ASTN2: variants seen among roughly 807,000 people sequenced by gnomAD.
The protein encoded by ASTN2 is astrotactin-2.
ASTN2 carries 54 observed loss-of-function variants against 139.8 expected under a neutral mutation model. That is an observed-to-expected ratio of 0.39 (90% CI 0.31 to 0.48). The LOEUF (loss-of-function observed/expected upper bound fraction) is 0.48, where lower values mean the gene tolerates loss of function less well. ASTN2 is among the 20% of genes least tolerant of loss of function. The pLI, the probability that ASTN2 is intolerant of heterozygous loss-of-function variation, is 0.95. For synonymous variants in ASTN2, 756 were observed against 719.5 expected, an observed-to-expected ratio of 1.05 and a Z score of -0.81; for missense variants, 1,565 against 1,725.1, an observed-to-expected ratio of 0.91 and a Z score of 1.64.
chr9:117,121,339 G>C (rs1315812656), intron 4 of ASTN2, among the ~76,000 whole-genome samples: 1 of 152,194 alleles, frequency 6.6e-6, no homozygotes, highest in African/African-American at 2.4e-5. Context: ...AAGAATCGGG[G>C]GTTCACTACA....
intron 6 of ASTN2, among the ~76,000 whole-genome samples, chr9:117,033,718 G>C (rs1002424103): frequency 6.6e-6 from 1 of 152,042 alleles, no homozygotes; most frequent in Non-Finnish European, 1.5e-5. Context: ...AAGAACCTTA[G>C]ACTGGGGGCT....
intron 5 of ASTN2, among the ~76,000 whole-genome samples, chr9:117,095,567 C>T (rs946054576): frequency 6.6e-6 from 1 of 152,282 alleles, no homozygotes; most frequent in Non-Finnish European, 1.5e-5. Context: ...ATGCTTGATT[C>T]TTTCCCATTA....
intron 6 of ASTN2, among the ~76,000 whole-genome samples, chr9:117,022,442 C>CAA (rs143095854): frequency 8.0e-5 from 6 of 75,422 alleles, no homozygotes; most frequent in African/African-American, 2.3e-4. Context: ...TATCCCAGGG[C>CAA]AAAAAAAAAA....
intron 2 of ASTN2, among the ~76,000 whole-genome samples, chr9:117,259,162 C>T (rs562445608): frequency 2.0e-5 from 3 of 152,160 alleles, no homozygotes; most frequent in Non-Finnish European, 4.4e-5. Context: ...AAATGCTCCC[C>T]TTAGCTCCTG....
At chr9:116,782,857 C>T (rs1564264641) in intron 13 of ASTN2, among the ~76,000 whole-genome samples, 1 of 152,126 alleles carries the variant, frequency 6.6e-6, no homozygotes, top group South Asian at 2.1e-4. Flanking sequence ...AGTCCTACAC[C>T]CCATGTGGGC....
chr9:116,946,648 G>A (rs1835402118), intron 10 of ASTN2, among the ~76,000 whole-genome samples: 1 of 152,080 alleles, frequency 6.6e-6, no homozygotes, highest in Admixed American at 6.5e-5. Flanking sequence ...GGTTGAAGGG[G>A]TATCAAGCCT....
intron 20 of ASTN2, among the ~76,000 whole-genome samples, chr9:116,448,073 G>T (rs1848057247): frequency 6.6e-6 from 1 of 152,202 alleles, no homozygotes; most frequent in South Asian, 2.1e-4. Context: ...GAGAGTATAG[G>T]AGAATGCGTT....
intron 13 of ASTN2, among the ~76,000 whole-genome samples, chr9:116,786,421 T>A (rs912389209): frequency 6.6e-6 from 1 of 151,262 alleles, no homozygotes; most frequent in Non-Finnish European, 1.5e-5. Context: ...CCTAGAACAG[T>A]CAGTGTCATA....
At chr9:116,856,551 G>A (rs1359702) in intron 11 of ASTN2, among the ~76,000 whole-genome samples, 45,142 of 151,998 alleles carry the variant, frequency 0.3, 6,864 homozygotes, top group South Asian at 0.39. Context: ...GAGAAAAGCC[G>A]GTCTCTCTCC....
intron 1 of ASTN2, among the ~76,000 whole-genome samples, chr9:117,381,570 A>G (rs1830272020): frequency 6.6e-6 from 1 of 152,134 alleles, no homozygotes; most frequent in Non-Finnish European, 1.5e-5. Context: ...TGCTTTTGCC[A>G]TATTAAGAAG....
chr9:116,652,742 C>A (rs1262117945), intron 16 of ASTN2, among the ~76,000 whole-genome samples: 2 of 152,178 alleles, frequency 1.3e-5, no homozygotes, highest in African/African-American at 2.4e-5. Flanking sequence ...GAAAAGACAT[C>A]ATTTCTCCTT....
intron 10 of ASTN2, among the ~76,000 whole-genome samples, chr9:116,893,020 A>T (rs1008512239): frequency 6.6e-6 from 1 of 152,136 alleles, no homozygotes; most frequent in Non-Finnish European, 1.5e-5. Context: ...CGGTACTCCC[A>T]AACTCCCAAC....
Position 117,414,391 on chromosome 9 carries a change from TC to T in ASTN2, c.442+105del. 1 of 1,513,488 alleles carries T rather than the reference TC, an allele frequency of 6.6e-7. No homozygotes were observed. The highest frequency in any genetic ancestry group is 8.8e-7 in the Non-Finnish European group (1 of 1,131,234). The allele number at this position is 1,513,488 out of a possible 1,614,324, so 93.8% of individuals were successfully genotyped here. On this transcript the variant is annotated intron_variant, in intron 1 of 22. Transcript: ENST00000313400. This position sits in a 1 kb window ranked among gnomAD's most constrained non-coding sequence, Gnocchi z 4.2. ...CTCCTCTACCCTCTGCCAACCCCACTCGGGGCAGCCCCGGGCAGGGATCCCC... is the reference window on the plus strand; with the variant it reads ...CTCCTCTACCCTCTGCCAACCCCACTGGGGCAGCCCCGGGCAGGGATCCCC...
chr9:116,811,796 T>C (rs1831174294), intron 12 of ASTN2, among the ~76,000 whole-genome samples: 1 of 152,238 alleles, frequency 6.6e-6, no homozygotes, highest in African/African-American at 2.4e-5. Flanking sequence ...TGTTACTTAG[T>C]CCATTAACCC....
At chr9:116,593,398 A>G (rs892916536) in intron 19 of ASTN2, among the ~76,000 whole-genome samples, 1 of 152,196 alleles carries the variant, frequency 6.6e-6, no homozygotes, top group Non-Finnish European at 1.5e-5. Context: ...GGTGGAGTAG[A>G]ATGCTAATGC....
intron 17 of ASTN2, 128 bp from the exon 18 acceptor site, chr9:116,620,571 T>C: frequency 1.7e-6 from 2 of 1,187,198 alleles, no homozygotes; most frequent in Middle Eastern, 2.0e-4. Context: ...CAAGACACCA[T>C]CTATTCCCTA....
At chr9:116,928,272 A>C (rs965055592) in intron 10 of ASTN2, among the ~76,000 whole-genome samples, 1 of 152,244 alleles carries the variant, frequency 6.6e-6, no homozygotes, top group African/African-American at 2.4e-5. Flanking sequence ...TGGAAGCCTC[A>C]GAGAAACAGC....
chr9:116,726,112 T>G (rs530131805), intron 15 of ASTN2, among the ~76,000 whole-genome samples, 162 bp from the exon 16 acceptor site: 1 of 152,094 alleles, frequency 6.6e-6, no homozygotes, highest in African/African-American at 2.4e-5. Flanking sequence ...CATAATTCCC[T>G]CACTTAAATA....
chr9:116,704,701 A>G (rs1486386575), intron 16 of ASTN2, among the ~76,000 whole-genome samples: 1 of 152,168 alleles, frequency 6.6e-6, no homozygotes, highest in Admixed American at 6.5e-5. Context: ...TTAATTGAAA[A>G]GCCTATTGGA....
Sources: gnomAD v4.1 joint callset for allele counts (sites outside exome capture counted in the v4.1 genomes callset) on GRCh38, gnomAD v4.1.1 for gene constraint, Gnocchi (gnomAD v3.1) non-coding constraint, MANE v1.5 for transcripts, NCBI Gene and HGNC (gene_info 2026-07-23, HGNC 2026-07-21) for gene names.